The following PTPRG variants were observed in gnomAD, a reference collection of about 807,000 sequenced individuals.
The protein encoded by PTPRG is protein tyrosine phosphatase receptor type G.
A neutral mutation model predicts 165.3 loss-of-function variants in PTPRG; 102 were observed. The ratio of observed to expected loss-of-function variants is 0.62; its 90% CI spans 0.53 to 0.73. The LOEUF (loss-of-function observed/expected upper bound fraction) is 0.73. Ranked by LOEUF, PTPRG falls within the 30% of genes least tolerant of loss-of-function variation. PTPRG has a pLI of 0.00. For missense variants in PTPRG, 1,866 were observed against 1,861.4 expected (o/e 1.00, Z -0.05); for synonymous variants, 675 against 669.5 (o/e 1.01, Z -0.13).
intron 2 of PTPRG, chr3:61,771,382 C>CT (rs1466614918): frequency 2.4e-5 from 1 of 42,144 alleles, no homozygotes; most frequent in African/African-American, 5.5e-5. Flanking sequence ...TTACTTTCAT[C>CT]TAAAAAAAAA....
chr3:61,614,651 A>T (rs558979489), intron 1 of PTPRG, among the ~76,000 whole-genome samples: 7 of 152,252 alleles, frequency 4.6e-5, no homozygotes, highest in Middle Eastern at 3.4e-3. Flanking sequence ...GATTCAAGCA[A>T]TCCACCCGCT....
chr3:62,112,504 C>G (rs905991729), intron 5 of PTPRG, among the ~76,000 whole-genome samples: 1 of 152,164 alleles, frequency 6.6e-6, no homozygotes, highest in Admixed American at 6.5e-5. Context: ...TGTTCTAACT[C>G]TTAAGGTTGT....
intron 1 of PTPRG, among the ~76,000 whole-genome samples, chr3:61,610,028 G>C (rs773223980): frequency 6.8e-6 from 1 of 147,618 alleles, no homozygotes; most frequent in South Asian, 2.2e-4. Flanking sequence ...TTTGTATCTA[G>C]TATGGAGAGG....
At chr3:62,089,976 G>A (rs1701875354) in intron 5 of PTPRG, among the ~76,000 whole-genome samples, 1 of 152,116 alleles carries the variant, frequency 6.6e-6, no homozygotes, top group Admixed American at 6.5e-5. Flanking sequence ...TGTATCAACT[G>A]GCCATTGTCA....
At chr3:61,876,649 C>T (rs1344015010) in intron 2 of PTPRG, among the ~76,000 whole-genome samples, 1 of 152,168 alleles carries the variant, frequency 6.6e-6, no homozygotes, top group South Asian at 2.1e-4. Context: ...TGGCTCACAT[C>T]TGTAATCCCA....
chr3:61,771,152 TGTC>T (rs1395904392), intron 2 of PTPRG: 1 of 152,158 alleles, frequency 6.6e-6, no homozygotes, highest in Non-Finnish European at 1.5e-5. Context: ...TGCAGAACAA[TGTC>T]TTCAAAAAAA....
intron 1 of PTPRG, among the ~76,000 whole-genome samples, chr3:61,747,224 A>G (rs2033244578): frequency 6.6e-6 from 1 of 152,182 alleles, no homozygotes; most frequent in Non-Finnish European, 1.5e-5. Flanking sequence ...GAAGGCTGGC[A>G]TTTTTAGGTC....
intron 1 of PTPRG, among the ~76,000 whole-genome samples, chr3:61,723,106 C>A (rs1350530824): frequency 6.6e-6 from 1 of 152,076 alleles, no homozygotes; most frequent in African/African-American, 2.4e-5. Context: ...CCTTTATTTT[C>A]AAGAAATGTC....
intron 4 of PTPRG, among the ~76,000 whole-genome samples, chr3:62,019,932 A>G (rs1012927942): frequency 5.3e-5 from 8 of 151,800 alleles, no homozygotes; most frequent in Non-Finnish European, 1.0e-4. Flanking sequence ...CTCTATCTCT[A>G]TTTTTCAGAT....
At chr3:61,655,464 T>C (rs147263423) in intron 1 of PTPRG, among the ~76,000 whole-genome samples, 5 of 152,322 alleles carry the variant, frequency 3.3e-5, no homozygotes, top group African/African-American at 4.8e-5. Context: ...TTCAGAAATA[T>C]GGACTAAATG....
chr3:61,791,731 G>T (rs537705397), intron 2 of PTPRG, among the ~76,000 whole-genome samples: 3 of 152,146 alleles, frequency 2.0e-5, no homozygotes, highest in South Asian at 2.1e-4. Context: ...CAGGTGATCC[G>T]CCCATCTCGG....
At chr3:62,153,311 T>G (rs992442973) in intron 6 of PTPRG, among the ~76,000 whole-genome samples, 5 of 152,232 alleles carry the variant, frequency 3.3e-5, no homozygotes, top group African/African-American at 4.8e-5. Flanking sequence ...GCCCCTTATG[T>G]CTGTTAACTT....
intron 2 of PTPRG, among the ~76,000 whole-genome samples, chr3:61,933,106 G>T (rs1177889864): frequency 1.3e-5 from 2 of 152,282 alleles, no homozygotes; most frequent in African/African-American, 4.8e-5. Flanking sequence ...GTCTGTTGGA[G>T]TTCCTCAGAA....
intron 26 of PTPRG, among the ~76,000 whole-genome samples, chr3:62,279,531 C>T (rs1435829908): frequency 6.6e-6 from 1 of 152,092 alleles, no homozygotes; most frequent in Admixed American, 6.6e-5. Flanking sequence ...CACATCCACT[C>T]ATAAATCCTA....
chr3:61,749,219 C>A, intron 2 of PTPRG: 2 of 615,754 alleles, frequency 3.2e-6, no homozygotes, highest in Admixed American at 2.2e-5. Flanking sequence ...TATTTCTGAA[C>A]TTTACTGTTA....
At chr3:62,282,899 T>C in intron 28 of PTPRG, 30 bp downstream of exon 28, 1 of 1,569,300 alleles carries the variant, frequency 6.4e-7, no homozygotes, top group Non-Finnish European at 8.6e-7. Context: ...TTTTAAAATG[T>C]AGACCGTTTT....
intron 1 of PTPRG, among the ~76,000 whole-genome samples, chr3:61,738,112 G>A (rs1192742946): frequency 5.4e-5 from 8 of 148,958 alleles, no homozygotes; most frequent in African/African-American, 2.0e-4. Flanking sequence ...GGGTTTCACC[G>A]TGGTCTCGAT....
Position 61,568,442 on chromosome 3 carries a change from G to T in PTPRG, c.85+6070G>T, listed in dbSNP as rs574347365. Among the ~76,000 whole-genome samples the T allele has an allele frequency of 2.0e-5, 3 of 152,304 alleles. No individual in the cohort carries two copies. The East Asian group carries it at 5.8e-4, about 29-fold the overall frequency. ...TAAGTAGCTAGAGGGCTTCTTGAGTGATTGTCCCCTTCTATTGGGACAACT... is the reference window on the plus strand; with the variant it reads ...TAAGTAGCTAGAGGGCTTCTTGAGTTATTGTCCCCTTCTATTGGGACAACT... On this transcript the variant is annotated intron_variant, in intron 1 of 29. Transcript: ENST00000474889.
At chr3:61,917,801 C>T (rs748878796) in intron 2 of PTPRG, among the ~76,000 whole-genome samples, 92 of 152,144 alleles carry the variant, frequency 6.0e-4, no homozygotes, top group Admixed American at 2.7e-3. Context: ...GGTGTGGTGG[C>T]GGACGCTTGT....
Sources: gnomAD v4.1 joint callset for allele counts (sites outside exome capture counted in the v4.1 genomes callset) on GRCh38, gnomAD v4.1.1 for gene constraint, MANE v1.5 for transcripts, NCBI Gene and HGNC (gene_info 2026-07-23, HGNC 2026-07-21) for gene names.